The following MRPL4 variants were observed in gnomAD, a reference collection of about 807,000 sequenced individuals.
MRPL4 encodes the protein large ribosomal subunit protein uL4m.
A neutral mutation model predicts 34.1 loss-of-function variants in MRPL4; 34 were observed. The observed-to-expected ratio is 1.00, with a 90% CI of 0.76 to 1.33. The LOEUF is 1.33. Among genes scored for constraint, MRPL4 ranks in the 40% most tolerant of loss-of-function variants. MRPL4 has a pLI of 0.00. For synonymous variants in MRPL4, 196 were observed against 188.3 expected, an observed-to-expected ratio of 1.04 and a Z score of -0.33; for missense variants, 402 against 434.6, an observed-to-expected ratio of 0.92 and a Z score of 0.67.
chr19:10,258,930 C>T, intron 8 of MRPL4: 1 of 1,425,970 alleles, frequency 7.0e-7, no homozygotes, highest in Non-Finnish European at 9.2e-7. Flanking sequence ...TAGTGAGGCT[C>T]CCATCTGTAC....
At chr19:10,251,980 C>T (rs57336375), upstream of MRPL4, 2,001 of 520,470 alleles carry the variant, frequency 3.8e-3, 30 homozygotes, top group African/African-American at 0.038. Flanking sequence ...GTAGGCTAGG[C>T]CTACGGAAGC....
Position 10,259,927 on chromosome 19 carries a change from C to G in MRPL4, c.*114C>G. ...GGACCCCTTCATTCCACGGAGGAAG[C>G]TGAGGCCACAGGGAGCGGCCATCGC... is the stretch of plus-strand genomic sequence containing the variant. On this transcript the variant is annotated 3_prime_UTR_variant, in exon 9 of 9. Coordinates refer to ENST00000253099, the MANE Select transcript of MRPL4 (RefSeq NM_015956.3). The G allele has an allele frequency of 1.0e-6, 1 of 987,874 alleles. No homozygotes were observed. The allele number at this position is 987,874 out of a possible 1,614,324, so 61.2% of individuals were successfully genotyped here.
intron 4 of MRPL4, 48 bp downstream of exon 4, chr19:10,254,688 G>A (rs764941614): frequency 6.2e-6 from 10 of 1,608,734 alleles, no homozygotes; most frequent in African/African-American, 1.3e-5. Flanking sequence ...TTCCTGGGGA[G>A]GTTGGGGATA....
chr19:10,252,855 C>T (rs796092897), intron 3 of MRPL4, 154 bp downstream of exon 3: 2 of 1,130,512 alleles, frequency 1.8e-6, no homozygotes, highest in Non-Finnish European at 1.2e-6. Flanking sequence ...TGACAGTTTC[C>T]CCTGCTGTAG....
intron 5 of MRPL4, 34 bp downstream of exon 5, chr19:10,256,859 T>TGGGGGGGGGGGGAGGGGGGG: frequency 1.4e-5 from 1 of 72,686 alleles, no homozygotes; most frequent in South Asian, 2.6e-4. Flanking sequence ...CGGGGAGGGG[T>TGGGGGGGGGGGGAGGGGGGG]GGGGGGGCCA....
chr19:10,258,820 GC>G, intron 8 of MRPL4, 135 bp downstream of exon 8: 1 of 1,594,876 alleles, frequency 6.3e-7, no homozygotes, highest in Non-Finnish European at 8.5e-7. Context: ...CCTTCAGCTT[GC>G]CCAAAGCAAT....
intron 3 of MRPL4, among the ~76,000 whole-genome samples, chr19:10,253,484 A>AAG (rs1555702540): frequency 1.3e-5 from 2 of 148,448 alleles, no homozygotes; most frequent in Non-Finnish European, 3.0e-5. Flanking sequence ...AAAAAAAAAA[A>AAG]AAAAGAAAGA....
chr19:10,258,218 G>A lies in MRPL4; in HGVS notation c.446-4G>A, dbSNP rs368934668. 83 of 1,608,894 alleles carry A rather than the reference G, an allele frequency of 5.2e-5. 1 individual carries two copies. Among genetic ancestry groups the A allele is most frequent in the Admixed American group, 3.8e-4 (23 of 59,946 alleles). ...TACCTGCTCACATGCCTCTGTCCCC[G>A]CAGGAGGTGTTGCCCATGGCCCCCG... On this transcript the variant is annotated splice_polypyrimidine_tract_variant and splice_region_variant and intron_variant, in intron 5 of 8. Transcript: ENST00000253099.
intron 6 of MRPL4, 22 bp downstream of exon 6, chr19:10,258,350 G>T (rs771703283): frequency 6.2e-7 from 1 of 1,613,976 alleles, no homozygotes; most frequent in Non-Finnish European, 8.5e-7. Context: ...GGGGGGCCCA[G>T]ACAGCTGCTA....
chr19:10,257,589 C>T (rs749645181), intron 5 of MRPL4, among the ~76,000 whole-genome samples: 12 of 152,098 alleles, frequency 7.9e-5, no homozygotes, highest in Non-Finnish European at 1.6e-4. Flanking sequence ...AAGGCCCAGG[C>T]GAGGGCAGAC....
intron 8 of MRPL4, chr19:10,259,326 A>G: frequency 2.2e-6 from 3 of 1,381,594 alleles, no homozygotes; most frequent in Non-Finnish European, 1.9e-6. Flanking sequence ...CCCTCCCGTC[A>G]TTTGCCCTGG....
rs748099447 is a variant in MRPL4 at position 10,254,633 on chromosome 19, A to G, written c.320A>G (p.Lys107Arg). Reference sequence around the variant, plus strand: ...GTTGCTATGTGGCAGAAGAACTTCAAGAGAATTGTGAGTGCCTAAATGGAG... The same window carrying G: ...GTTGCTATGTGGCAGAAGAACTTCAGGAGAATTGTGAGTGCCTAAATGGAG... ...HQVAMWQKNF[K>R]RISYAKTKTR... is the part of the protein sequence containing the mutation. Residue 107 changes from lysine to arginine, a missense_variant, in exon 4 of 9, where the codon AAG becomes AGG. Physicochemically the swap from Lys to Arg is conservative, Grantham distance 26. Transcript: ENST00000253099. The G allele has an allele frequency of 6.8e-6, 11 of 1,613,968 alleles. No individual in the cohort carries two copies. The highest frequency in any genetic ancestry group is 1.7e-5 in the Admixed American group (1 of 60,008).
At chr19:10,252,164 A>G, upstream of MRPL4, 1 of 1,403,262 alleles carries the variant, frequency 7.1e-7, no homozygotes, top group Non-Finnish European at 9.5e-7. Flanking sequence ...CGCGGCGGGT[A>G]GGGCGGCGTC....
At position 10,259,731 on chromosome 19, in the gene MRPL4, C is replaced by T; in HGVS notation, c.854C>T (p.Pro285Leu). 6.2e-7 allele frequency: 1 copy of T among 1,614,100 alleles called. No individual in the cohort carries two copies. Among genetic ancestry groups the T allele is most frequent in the Non-Finnish European group, 8.5e-7 (1 of 1,179,990 alleles). The change falls in exon 9 of 9, where the codon CCC becomes CTC. Residue 285 changes from proline (P) to leucine (L), a missense_variant. Pro to Leu is a moderately conservative substitution (Grantham distance 98, BLOSUM62 -3). Coordinates refer to ENST00000253099, the MANE Select transcript of MRPL4 (RefSeq NM_015956.3). The stretch of plus-strand genomic sequence containing the variant: ...GACTCACGTTACAGACCCCTCTACC[C>T]CTTCAGCCTGCCCTACAGCGACTTC... ...WQDSRYRPLY[P>L]FSLPYSDFPR...
At chr19:10,255,514 A>G (rs1296389111) in intron 4 of MRPL4, 1 of 152,672 alleles carries the variant, frequency 6.5e-6, no homozygotes, top group African/African-American at 2.4e-5. Flanking sequence ...GTGTGGAGAT[A>G]ACAGGAACAG....
chr19:10,254,532 T>C, intron 3 of MRPL4, 57 bp from the exon 4 acceptor site: 5 of 1,597,118 alleles, frequency 3.1e-6, no homozygotes, highest in Non-Finnish European at 4.3e-6. Flanking sequence ...TTTCCTATAG[T>C]GGGGTGGGAG....
At chr19:10,256,265 G>A (rs951302300) in intron 4 of MRPL4, among the ~76,000 whole-genome samples, 4 of 151,720 alleles carry the variant, frequency 2.6e-5, no homozygotes, top group Non-Finnish European at 5.9e-5. Flanking sequence ...CAGCGTGGGC[G>A]ACAGAGCGAG....
At chr19:10,259,367 CCCAGCCAGGCACAGGA>C in intron 8 of MRPL4, 1 of 1,388,372 alleles carries the variant, frequency 7.2e-7, no homozygotes, top group Non-Finnish European at 9.3e-7. Flanking sequence ...AGCCAGGAGT[CCCAGCCAGGCACAGGA>C]CCGAGCCTGG....
chr19:10,255,439 A>G (rs1437406206), intron 4 of MRPL4: 16 of 152,700 alleles, frequency 1.0e-4, no homozygotes, highest in Admixed American at 1.0e-3. Flanking sequence ...CATGTCCCAG[A>G]GAATGGGACG....
Sources: allele counts gnomAD v4.1 joint callset (sites outside exome capture counted in the v4.1 genomes callset), GRCh38; gene constraint gnomAD v4.1.1; transcripts MANE v1.5; gene names NCBI Gene and HGNC (gene_info 2026-07-23, HGNC 2026-07-21).